ACOT1: variants seen among roughly 807,000 people sequenced by gnomAD.
ACOT1 encodes acyl-coenzyme A thioesterase 1.
In ACOT1, 8 loss-of-function variants were observed where a neutral mutation model predicts 15.7. The observed-to-expected ratio is 0.51, with a 90% CI of 0.30 to 0.92. The LOEUF is 0.92. ACOT1 is among the 40% of genes least tolerant of loss of function. The probability of loss-of-function intolerance (pLI) is 0.06; values close to 1 mark genes in which losing one functional copy is unlikely to be tolerated. For synonymous variants in ACOT1, 67 were observed against 241.2 expected (o/e 0.28, Z 6.69); for missense variants, 151 against 539.4 (o/e 0.28, Z 7.13).
the ACOT1 span, among the ~76,000 whole-genome samples, chr14:73,495,621 G>C: frequency 1.3e-5 from 2 of 152,052 alleles, no homozygotes; most frequent in Admixed American, 6.6e-5. Context: ...ATGCTTATCA[G>C]TAGTAGGTGG....
In ACOT1 at chr14:73,542,938, G is replaced by C. The variant is rs548487750; in HGVS notation, c.661-112G>C. On this transcript the variant is annotated intron_variant, in intron 2 of 2. Coordinates refer to ENST00000311148, the MANE Select transcript of ACOT1 (RefSeq NM_001037161.2). The stretch of plus-strand genomic sequence containing the variant: ...CCAAAGCTGCAAATCTGGGTAAATG[G>C]TAGAACCCAGATTCAGACTCAGGTT... 1.5e-5 allele frequency: 17 copies of C among 1,104,742 alleles called. 5 individuals carry two copies. The African/African-American group carries it at 2.7e-4, about 18-fold the overall frequency. The allele number at this position is 1,104,742 out of a possible 1,614,324, so 68.4% of individuals were successfully genotyped here.
chr14:73,521,103 T>A, the ACOT1 span: 1 of 1,387,542 alleles, frequency 7.2e-7, no homozygotes, highest in Non-Finnish European at 1.0e-6. Context: ...CCCTTTCCAT[T>A]AAATCCACAG....
the ACOT1 span, chr14:73,517,089 T>C: frequency 2.6e-5 from 4 of 152,346 alleles, no homozygotes; most frequent in South Asian, 4.1e-4. Context: ...GAGACCAGTC[T>C]GGGCAACATA....
At chr14:73,530,794 ATTTTTTT>A in the ACOT1 span, among the ~76,000 whole-genome samples, 1,466 of 57,760 alleles carry the variant, frequency 0.025, 54 homozygotes, top group African/African-American at 0.093. Context: ...TCTCGGTTAA[ATTTTTTT>A]TTTTTTTTTT....
the ACOT1 span, among the ~76,000 whole-genome samples, chr14:73,506,804 GTTTTTTTTTTTTTTT>G: frequency 1.1e-3 from 87 of 80,492 alleles, 1 homozygote; most frequent in East Asian, 0.04. Flanking sequence ...GACTTTAACT[GTTTTTTTTTTTTTTT>G]TTTTTTCTGA....
At chr14:73,503,788 GT>G in the ACOT1 span, among the ~76,000 whole-genome samples, 1 of 152,158 alleles carries the variant, frequency 6.6e-6, no homozygotes. Context: ...ACCCCCAGGG[GT>G]AGCATAGTGC....
the ACOT1 span, among the ~76,000 whole-genome samples, chr14:73,501,414 C>T: frequency 2.2e-4 from 34 of 151,194 alleles, no homozygotes; most frequent in African/African-American, 7.1e-4. Context: ...CATGAGCCAC[C>T]GCGCCCGGCC....
the ACOT1 span, among the ~76,000 whole-genome samples, chr14:73,503,950 T>C: frequency 6.6e-6 from 1 of 152,196 alleles, no homozygotes; most frequent in Non-Finnish European, 1.5e-5. Flanking sequence ...CTTTTTACTT[T>C]CAGTTGTCAA....
At chr14:73,509,042 T>A in the ACOT1 span, among the ~76,000 whole-genome samples, 1,359 of 152,182 alleles carry the variant, frequency 8.9e-3, 24 homozygotes, top group African/African-American at 0.031. Flanking sequence ...AATTTTAAAA[T>A]TTTTTATAGA....
the ACOT1 span, among the ~76,000 whole-genome samples, chr14:73,516,258 C>G: frequency 1.7e-5 from 1 of 57,440 alleles, no homozygotes; most frequent in Non-Finnish European, 2.7e-5. Context: ...CTTGGACGTG[C>G]TGGGGGACTC....
chr14:73,511,992 G>A, the ACOT1 span: 1 of 1,613,784 alleles, frequency 6.2e-7, no homozygotes, highest in Non-Finnish European at 8.5e-7. Context: ...AAGCAGTTCA[G>A]CTTTGGCTCT....
the ACOT1 span, among the ~76,000 whole-genome samples, chr14:73,526,772 G>C: frequency 2.6e-5 from 4 of 152,224 alleles, no homozygotes; most frequent in Non-Finnish European, 5.9e-5. Context: ...CTTGGGCTTT[G>C]AGTAAATATC....
Position 73,541,639 on chromosome 14 carries a change from A to T in ACOT1, c.604A>T (p.Thr202Ser). 4.8e-6 allele frequency: 6 copies of T among 1,242,522 alleles called. 1 individual carries two copies. Among genetic ancestry groups the T allele is most frequent in the Non-Finnish European group, 6.4e-6 (6 of 935,682 alleles). The allele number at this position is 1,242,522 out of a possible 1,614,324, so 77.0% of individuals were successfully genotyped here. ...NYEDLPKTMETLHLEYFEEAV... is the reference protein window; with the variant it reads ...NYEDLPKTMESLHLEYFEEAV... ...TGAAGACCTCCCCAAGACCATGGAG[A>T]CGCTCCATCTGGAGTACTTTGAAGA... The change falls in exon 2 of 3, where the codon ACG (threonine) becomes TCG (serine). Residue 202 changes from threonine to serine, a missense_variant. Coordinates refer to ENST00000311148, the MANE Select transcript of ACOT1 (RefSeq NM_001037161.2).
chr14:73,519,703 G>A, the ACOT1 span, among the ~76,000 whole-genome samples: 3 of 152,120 alleles, frequency 2.0e-5, no homozygotes, highest in Non-Finnish European at 1.5e-5. Flanking sequence ...TAGGCAATGG[G>A]AGTGAAACCA....
the ACOT1 span, among the ~76,000 whole-genome samples, chr14:73,501,718 G>A: frequency 2.6e-4 from 39 of 151,534 alleles, no homozygotes; most frequent in African/African-American, 9.0e-4. Context: ...GGGACTACAG[G>A]CATACACCAC....
At chr14:73,508,227 C>G in the ACOT1 span, 1 of 1,614,034 alleles carries the variant, frequency 6.2e-7, no homozygotes, top group Admixed American at 1.7e-5. Context: ...TCCTCTTAAT[C>G]ACAGGGTAAG....
the ACOT1 span, among the ~76,000 whole-genome samples, chr14:73,507,387 G>A: frequency 2.6e-5 from 4 of 152,038 alleles, no homozygotes; most frequent in Admixed American, 6.6e-5. Context: ...GTTTACTTAT[G>A]CTTGAGATTG....
chr14:73,516,961 C>T, the ACOT1 span, among the ~76,000 whole-genome samples: 64 of 152,232 alleles, frequency 4.2e-4, no homozygotes, highest in Non-Finnish European at 5.7e-4. Context: ...TGAGGACTGC[C>T]GATCTAAAGG....
At chr14:73,518,533 T>A in the ACOT1 span, among the ~76,000 whole-genome samples, 1 of 152,192 alleles carries the variant, frequency 6.6e-6, no homozygotes, top group East Asian at 1.9e-4. Flanking sequence ...ATGTGCACAT[T>A]TTGTTTCATA....
Sources: allele counts gnomAD v4.1 joint callset (sites outside exome capture counted in the v4.1 genomes callset), GRCh38; gene constraint gnomAD v4.1.1; transcripts MANE v1.5; gene names NCBI Gene and HGNC (gene_info 2026-07-23, HGNC 2026-07-21).